The following PIEZO2 variants were observed in gnomAD, a reference collection of about 807,000 sequenced individuals.
PIEZO2 encodes the protein piezo-type mechanosensitive ion channel component 2.
Under a neutral mutation model 337.3 loss-of-function variants are expected in PIEZO2, and 172 were observed. The ratio of observed to expected loss-of-function variants is 0.51; its 90% confidence interval spans 0.45 to 0.58. PIEZO2 has a LOEUF of 0.58. Among genes scored for constraint, PIEZO2 ranks in the 20% least tolerant of loss-of-function variants. The probability of loss-of-function intolerance (pLI) is 0.00; values close to 1 mark genes in which losing one functional copy is unlikely to be tolerated. For synonymous variants in PIEZO2, 1,251 were observed against 1,228.5 expected, an observed-to-expected ratio of 1.02 and a Z score of -0.38; for missense variants, 3,028 against 3,391.3, an observed-to-expected ratio of 0.89 and a Z score of 2.66.
In PIEZO2 at chr18:11,015,244, T is replaced by A. The variant is rs376823318; in HGVS notation, c.161-35584A>T. On this transcript the variant is annotated intron_variant, in intron 2 of 55. Transcript: ENST00000674853. ...CTCATTCCTCAGTGTGGGGAAGATG[T>A]CACCCTGGGTGGGACAGCAATCCAG... Among the ~76,000 whole-genome samples the A allele has an allele frequency of 5.3e-4, 80 of 150,940 alleles. 1 individual carries two copies. The highest frequency in any genetic ancestry group is 1.9e-3 in the African/African-American group (77 of 40,984).
At chr18:11,010,167 T>C (rs1020145893) in intron 2 of PIEZO2, among the ~76,000 whole-genome samples, 1 of 152,192 alleles carries the variant, frequency 6.6e-6, no homozygotes, top group South Asian at 2.1e-4. Context: ...TCAATAACCA[T>C]GTACCAAACA....
intron 53 of PIEZO2, among the ~76,000 whole-genome samples, chr18:10,675,628 C>T (rs2033964850): frequency 6.6e-6 from 1 of 152,180 alleles, no homozygotes; most frequent in Admixed American, 6.5e-5. Context: ...CTTATCCATA[C>T]CATTAAGCAC....
intron 3 of PIEZO2, among the ~76,000 whole-genome samples, chr18:10,947,351 A>G (rs557053758): frequency 2.2e-4 from 34 of 152,318 alleles, no homozygotes; most frequent in South Asian, 1.7e-3. Context: ...AAAAAGTGAC[A>G]CAATATTTTT....
In PIEZO2 at chr18:10,767,405, T is replaced by C. The variant is rs887157246; in HGVS notation, c.2946+2743A>G. Among the ~76,000 whole-genome samples, 15 of 152,130 alleles carry C rather than the reference T, an allele frequency of 9.9e-5. No individual in the cohort carries two copies. The highest frequency in any genetic ancestry group is 2.1e-4 in the South Asian group (1 of 4,828). ...CTTACTGAGGCCTTGGGTAAGGATG[T>C]CTGGAACCCAGAGCTGCCACAGCTC... is the stretch of plus-strand genomic sequence containing the variant. On this transcript the variant is annotated intron_variant, in intron 21 of 55. Coordinates refer to ENST00000674853, the MANE Select transcript of PIEZO2 (RefSeq NM_001378183.1). This position sits in a 1 kb window ranked among gnomAD's most constrained non-coding sequence, Gnocchi z 4.2.
At chr18:10,816,645 T>C (rs1316291640) in intron 7 of PIEZO2, among the ~76,000 whole-genome samples, 1 of 151,110 alleles carries the variant, frequency 6.6e-6, no homozygotes, top group African/African-American at 2.4e-5. Context: ...CTAATCATTA[T>C]ATAGTATTGA....
At position 10,740,761 on chromosome 18, in the gene PIEZO2, A is replaced by G. The variant is rs1051273420; in HGVS notation, c.4708+270T>C. 7.1e-5 allele frequency: 42 copies of G among 592,006 alleles called. 1 individual carries two copies. Among genetic ancestry groups the G allele is most frequent in the Middle Eastern group, 8.8e-4 (2 of 2,282 alleles). 36.7% of individuals were successfully genotyped at this position (592,006 alleles called of 1,614,324 possible). The stretch of plus-strand genomic sequence containing the variant: ...CAATTCTTCTTCCCTTTCTGAGCCC[A>G]TAAATTATGCCCTAGAGTCTATAAG... On this transcript the variant is annotated intron_variant, in intron 33 of 55. Coordinates refer to ENST00000674853, the MANE Select transcript of PIEZO2 (RefSeq NM_001378183.1).
rs2144109170 is a variant in PIEZO2 at position 10,784,002 on chromosome 18, C to T, written c.2492+782G>A. Among the ~76,000 whole-genome samples, 1 of 152,296 alleles carries T rather than the reference C, an allele frequency of 6.6e-6. No individual in the cohort carries two copies. Among genetic ancestry groups the T allele is most frequent in the Non-Finnish European group, 1.5e-5 (1 of 68,036 alleles). On this transcript the variant is annotated intron_variant, in intron 17 of 55. Coordinates refer to ENST00000674853, the MANE Select transcript of PIEZO2 (RefSeq NM_001378183.1). This position sits in a 1 kb window ranked among gnomAD's most constrained non-coding sequence, Gnocchi z 4.5. Reference sequence around the variant, plus strand: ...CGTGGCCTCTGTGCTCCTCTCAATACAGCCCTTTGCTCCCTTAGCTGCTTA... The same window carrying T: ...CGTGGCCTCTGTGCTCCTCTCAATATAGCCCTTTGCTCCCTTAGCTGCTTA...
In PIEZO2 at chr18:11,047,504, G is replaced by A. The variant is rs1250061331; in HGVS notation, c.160+18623C>T. ...TCCCCATCCCCCAAATTCCACTCTTGGAAATGAGAGCCACATCCACAACAA... is the reference window on the plus strand; with the variant it reads ...TCCCCATCCCCCAAATTCCACTCTTAGAAATGAGAGCCACATCCACAACAA... On this transcript the variant is annotated intron_variant, in intron 2 of 55. Transcript: ENST00000674853. This position sits in a 1 kb window ranked among gnomAD's most constrained non-coding sequence, Gnocchi z 7.2. 6.6e-6 allele frequency among the ~76,000 whole-genome samples: 1 copy of A among 152,146 alleles called. No individual in the cohort carries two copies. The highest frequency in any genetic ancestry group is 1.5e-5 in the Non-Finnish European group (1 of 68,024).
intron 7 of PIEZO2, among the ~76,000 whole-genome samples, chr18:10,831,209 G>A (rs1448839738): frequency 1.3e-5 from 2 of 152,092 alleles, no homozygotes; most frequent in Admixed American, 6.5e-5. Flanking sequence ...GAAGTATATC[G>A]AAGAGATCTG....
chr18:10,894,369 G>A lies in PIEZO2; in HGVS notation c.329+16817C>T, dbSNP rs541620253. On this transcript the variant is annotated intron_variant, in intron 4 of 55. Transcript: ENST00000674853. This position sits in a 1 kb window ranked among gnomAD's most constrained non-coding sequence, Gnocchi z 4.1. ...CTTGGGAGGCTGAGGCAGGAAAATC[G>A]CTTGAATTCGGAAGGCGGAGCTGGC... 517 of 152,250 alleles carry A rather than the reference G, an allele frequency of 3.4e-3. 2 individuals are homozygous for A. The highest frequency in any genetic ancestry group is 5.3e-3 in the Non-Finnish European group (359 of 68,068). The allele number at this position is 152,250 out of a possible 1,614,324, so 9.4% of individuals were successfully genotyped here. A position where few individuals can be genotyped will look rare whatever the true frequency, so the allele number is the denominator to read the frequency against.
chr18:11,045,240 G>A (rs146598601), intron 2 of PIEZO2, among the ~76,000 whole-genome samples: 1 of 130,232 alleles, frequency 7.7e-6, no homozygotes, highest in East Asian at 2.5e-4. Context: ...GGCAGAGCTT[G>A]CTTTGAGATC....
At chr18:10,972,217 G>A (rs1446198427) in intron 3 of PIEZO2, among the ~76,000 whole-genome samples, 1 of 150,704 alleles carries the variant, frequency 6.6e-6, no homozygotes, top group African/African-American at 2.4e-5. Flanking sequence ...TAGCAGCAGA[G>A]TGTTAGTTTA....
intron 9 of PIEZO2, among the ~76,000 whole-genome samples, chr18:10,803,421 T>C (rs1310748179): frequency 6.6e-6 from 1 of 152,222 alleles, no homozygotes; most frequent in Non-Finnish European, 1.5e-5. Context: ...ACAATTATTG[T>C]CCGTTGTTTG....
At position 10,942,451 on chromosome 18, in the gene PIEZO2, T is replaced by C. The variant is rs1598727066; in HGVS notation, c.287-31223A>G. Among the ~76,000 whole-genome samples, 1 of 152,178 alleles carries C rather than the reference T, an allele frequency of 6.6e-6. No homozygotes were observed. The highest frequency in any genetic ancestry group is 1.5e-5 in the Non-Finnish European group (1 of 68,024). ...GGAAATGGAGCAAACACAACTCTTGTTATGTTTTAGCAAAGCGACTGGCAG... is the reference window on the plus strand; with the variant it reads ...GGAAATGGAGCAAACACAACTCTTGCTATGTTTTAGCAAAGCGACTGGCAG... On this transcript the variant is annotated intron_variant, in intron 3 of 55. Transcript: ENST00000674853. The surrounding 1 kb of genome is among the most constrained non-coding windows in gnomAD (Gnocchi z 4.4).
At chr18:10,709,260 T>G (rs552372203) in intron 39 of PIEZO2, 1 of 152,322 alleles carries the variant, frequency 6.6e-6, no homozygotes, top group African/African-American at 2.4e-5. Flanking sequence ...GAGCAGTGAC[T>G]GGCGAGGGAA....
intron 1 of PIEZO2, among the ~76,000 whole-genome samples, chr18:11,086,730 T>C (rs1441758020): frequency 6.8e-6 from 1 of 147,456 alleles, no homozygotes; most frequent in Non-Finnish European, 1.5e-5. Flanking sequence ...TTTCTTACAA[T>C]AAAAAAGAGA....
chr18:10,821,864 T>G lies in PIEZO2; in HGVS notation c.918-14590A>C, dbSNP rs2040529840. 1.3e-5 allele frequency among the ~76,000 whole-genome samples: 2 copies of G among 152,260 alleles called. No individual in the cohort carries two copies. The highest frequency in any genetic ancestry group is 2.4e-5 in the African/African-American group (1 of 41,466). On this transcript the variant is annotated intron_variant, in intron 7 of 55. Coordinates refer to ENST00000674853, the MANE Select transcript of PIEZO2 (RefSeq NM_001378183.1). The surrounding 1 kb of genome is among the most constrained non-coding windows in gnomAD (Gnocchi z 4.2). ...TCCTTGTTCTCTTTTTACTTTCTTT[T>G]TATATTGTTTGTAAATTTAAACGTG...
chr18:10,866,746 A>C (rs1568145088), intron 5 of PIEZO2, among the ~76,000 whole-genome samples: 1 of 152,200 alleles, frequency 6.6e-6, no homozygotes, highest in Non-Finnish European at 1.5e-5. Flanking sequence ...TCATGGACTC[A>C]AAGTTAACTA....
At chr18:11,012,915 A>G (rs575562967) in intron 2 of PIEZO2, among the ~76,000 whole-genome samples, 1 of 152,212 alleles carries the variant, frequency 6.6e-6, no homozygotes, top group Non-Finnish European at 1.5e-5. Context: ...ATGATGGTGC[A>G]CACCTGTGGT....
Sources: gnomAD v4.1 joint callset for allele counts (sites outside exome capture counted in the v4.1 genomes callset) on GRCh38, gnomAD v4.1.1 for gene constraint, Gnocchi (gnomAD v3.1) non-coding constraint, MANE v1.5 for transcripts, NCBI Gene and HGNC (gene_info 2026-07-23, HGNC 2026-07-21) for gene names.